LEPR: variants seen among roughly 807,000 people sequenced by gnomAD.
The protein encoded by LEPR is leptin receptor, also known as OB receptor.
A neutral mutation model predicts 114.7 loss-of-function variants in LEPR; 56 were observed. The ratio of observed to expected loss-of-function variants is 0.49; its 90% CI spans 0.39 to 0.61. The LOEUF (loss-of-function observed/expected upper bound fraction) is 0.61, where lower values mean the gene tolerates loss of function less well. Among genes scored for constraint, LEPR ranks in the 20% least tolerant of loss-of-function variants. The pLI, the probability that LEPR is intolerant of heterozygous loss-of-function variation, is 0.00. For missense variants in LEPR, 1,202 were observed against 1,352.9 expected, an observed-to-expected ratio of 0.89 and a Z score of 1.75; for synonymous variants, 443 against 461.4, an observed-to-expected ratio of 0.96 and a Z score of 0.51.
intron 2 of LEPR, among the ~76,000 whole-genome samples, chr1:65,437,905 G>A (rs991082392): frequency 6.6e-5 from 10 of 151,652 alleles, no homozygotes; most frequent in African/African-American, 2.2e-4. Context: ...TAACCTGAGC[G>A]CAAGGGTTCC....
intron 2 of LEPR, among the ~76,000 whole-genome samples, chr1:65,527,086 G>A (rs193124755): frequency 8.5e-5 from 13 of 152,264 alleles, no homozygotes; most frequent in Admixed American, 8.5e-4. Context: ...CTTTAGCATA[G>A]CACGTATTCT....
chr1:65,597,352 G>A (rs573300475), intron 7 of LEPR, among the ~76,000 whole-genome samples: 16 of 151,860 alleles, frequency 1.1e-4, no homozygotes, highest in East Asian at 7.7e-4. Flanking sequence ...TTAACAGTTC[G>A]TTCCGTAAGT....
chr1:65,616,265 A>G, intron 15 of LEPR, 41 bp downstream of exon 15: 1 of 1,591,220 alleles, frequency 6.3e-7, no homozygotes, highest in South Asian at 1.1e-5. Context: ...GCCTCTTTTA[A>G]TATTTAACTT....
chr1:65,479,701 A>G (rs1399626654), intron 2 of LEPR, among the ~76,000 whole-genome samples: 1 of 152,206 alleles, frequency 6.6e-6, no homozygotes, highest in Non-Finnish European at 1.5e-5. Flanking sequence ...TATATCCGTC[A>G]TCAAACTCAA....
chr1:65,533,110 A>G (rs1650518815), intron 2 of LEPR, among the ~76,000 whole-genome samples: 2 of 152,336 alleles, frequency 1.3e-5, no homozygotes, highest in Admixed American at 6.5e-5. Context: ...AATGATTCCA[A>G]AAACATGAAG....
chr1:65,594,412 TG>T (rs1261165798), intron 6 of LEPR, among the ~76,000 whole-genome samples: 1 of 152,050 alleles, frequency 6.6e-6, no homozygotes, highest in Admixed American at 6.6e-5. Flanking sequence ...AGAACTGTTT[TG>T]GTTTGGATCT....
chr1:65,519,107 C>G (rs1424081525), intron 2 of LEPR, among the ~76,000 whole-genome samples: 4 of 120,532 alleles, frequency 3.3e-5, no homozygotes, highest in Non-Finnish European at 5.1e-5. Flanking sequence ...CTGTGTCTCT[C>G]TCTCCTTCCT....
intron 2 of LEPR, among the ~76,000 whole-genome samples, chr1:65,546,954 A>T (rs571644546): frequency 5.6e-4 from 86 of 152,322 alleles, no homozygotes; most frequent in South Asian, 1.9e-3. Flanking sequence ...TTTGTCATAG[A>T]TAGCTCATTA....
intron 2 of LEPR, among the ~76,000 whole-genome samples, chr1:65,510,287 G>A (rs188253822): frequency 6.6e-6 from 1 of 152,290 alleles, no homozygotes; most frequent in East Asian, 1.9e-4. Flanking sequence ...TTTTGGGTGG[G>A]ATTCTATAGG....
chr1:65,616,008 C>T lies in LEPR; in HGVS notation c.1996C>T (p.Pro666Ser), dbSNP rs1657504120. Residue 666 changes from proline to serine, a missense_variant and splice_region_variant, in exon 15 of 20, where the codon CCC becomes TCC. Coordinates refer to ENST00000349533, the MANE Select transcript of LEPR (RefSeq NM_002303.6). ...KEKNVTLLWK[P>S]LMKNDSLCSV... The stretch of plus-strand genomic sequence containing the variant: ...TAATCAATTTCTATATTTACTACAG[C>T]CCCTGATGAAAAATGACTCATTGTG... The T allele has an allele frequency of 6.2e-7, 1 of 1,614,080 alleles. No homozygotes were observed. Among genetic ancestry groups the T allele is most frequent in the Admixed American group, 1.7e-5 (1 of 60,020 alleles).
At chr1:65,602,397 A>G (rs1300509812) in intron 10 of LEPR, among the ~76,000 whole-genome samples, 1 of 152,016 alleles carries the variant, frequency 6.6e-6, no homozygotes, top group Non-Finnish European at 1.5e-5. Context: ...GGTTTTTAGA[A>G]CTGAGTGAGA....
intron 2 of LEPR, among the ~76,000 whole-genome samples, chr1:65,430,933 T>C (rs1029340297): frequency 1.3e-5 from 2 of 152,184 alleles, no homozygotes; most frequent in African/African-American, 4.8e-5. Flanking sequence ...TGAGGTAGGA[T>C]GGCTGTTGTA....
chr1:65,435,213 G>T, intron 2 of LEPR: 1 of 985,334 alleles, frequency 1.0e-6, no homozygotes, highest in Non-Finnish European at 1.2e-6. Context: ...AGAACTCATA[G>T]ATTTTTCTTA....
At chr1:65,484,869 G>A (rs1036892903) in intron 2 of LEPR, among the ~76,000 whole-genome samples, 1 of 152,134 alleles carries the variant, frequency 6.6e-6, no homozygotes, top group African/African-American at 2.4e-5. Context: ...GAAAAGGATG[G>A]TTAAAGGATA....
chr1:65,450,219 A>G (rs1646764882), intron 2 of LEPR, among the ~76,000 whole-genome samples: 1 of 152,068 alleles, frequency 6.6e-6, no homozygotes, highest in Non-Finnish European at 1.5e-5. Context: ...TTTCTGCAAA[A>G]GTTGGATGAA....
In LEPR at chr1:65,633,218, C is replaced by G. The variant is rs779000367; in HGVS notation, c.2674-2973C>G. 1.9e-6 allele frequency: 3 copies of G among 1,607,950 alleles called. No homozygotes were observed. Among genetic ancestry groups the G allele is most frequent in the South Asian group, 2.2e-5 (2 of 90,566 alleles). Reference sequence around the variant, plus strand: ...TGAACCCAATGTGCCAACTTCCCAACAGTCTATAGAGTATTAGAAGATTTT... The same window carrying G: ...TGAACCCAATGTGCCAACTTCCCAAGAGTCTATAGAGTATTAGAAGATTTT... On this transcript the variant is annotated intron_variant, in intron 19 of 19. Transcript: ENST00000349533. The surrounding 1 kb of genome is among the most constrained non-coding windows in gnomAD (Gnocchi z 4.1).
intron 2 of LEPR, among the ~76,000 whole-genome samples, chr1:65,547,191 C>T (rs1651819901): frequency 6.6e-6 from 1 of 151,902 alleles, no homozygotes. Flanking sequence ...TTTTGATGTG[C>T]TGCTGGATTC....
chr1:65,427,782 A>C (rs1250561507), intron 2 of LEPR: 2 of 411,508 alleles, frequency 4.9e-6, no homozygotes, highest in African/African-American at 4.2e-5. Context: ...TGTTTTTTAG[A>C]GATGCCACAA....
rs1318293440 is a variant in LEPR, at chr1:65,636,234, T to G, written c.2717T>G (p.Val906Gly). 7 of 1,613,964 alleles carry G rather than the reference T, an allele frequency of 4.3e-6. No homozygotes were observed. The highest frequency in any genetic ancestry group is 5.9e-6 in the Non-Finnish European group (7 of 1,179,874). ...CTTTTTATCAAGCATACAGCATCAG[T>G]GACATGTGGTCCTCTTCTTTTGGAG... is the stretch of plus-strand genomic sequence containing the variant. ...EHLFIKHTAS[V>G]TCGPLLLEPE... Residue 906 changes from valine (V) to glycine (G), a missense_variant, in exon 20 of 20, where the codon GTG becomes GGG. Physicochemically the swap from Val to Gly is moderately radical, Grantham distance 109. Coordinates refer to ENST00000349533, the MANE Select transcript of LEPR (RefSeq NM_002303.6).
Sources: allele counts gnomAD v4.1 joint callset (sites outside exome capture counted in the v4.1 genomes callset), GRCh38; gene constraint gnomAD v4.1.1; non-coding constraint Gnocchi (gnomAD v3.1); transcripts MANE v1.5; gene names NCBI Gene and HGNC (gene_info 2026-07-23, HGNC 2026-07-21).